The following PRELID2 variants were observed in gnomAD, a reference collection of about 807,000 sequenced individuals.
The protein encoded by PRELID2 is PRELI domain containing 2, also known as PRELI domain-containing protein 2.
In PRELID2, 25 loss-of-function variants were observed where a neutral mutation model predicts 28.4. That is an observed-to-expected ratio of 0.88 (90% CI 0.64 to 1.23). The LOEUF (loss-of-function observed/expected upper bound fraction) is 1.23. Ranked by LOEUF, PRELID2 falls within the 50% of genes most tolerant of loss-of-function variation. The probability of loss-of-function intolerance (pLI) is 0.00; values close to 1 mark genes in which losing one functional copy is unlikely to be tolerated. For missense variants in PRELID2, 201 were observed against 214.4 expected (o/e 0.94, Z 0.39); for synonymous variants, 76 against 71.6 (o/e 1.06, Z -0.31).
At chr5:145,439,971 A>G in the PRELID2 span, among the ~76,000 whole-genome samples, 1 of 151,974 alleles carries the variant, frequency 6.6e-6, no homozygotes, top group Non-Finnish European at 1.5e-5. Context: ...TTTGTGCCCA[A>G]TTTACCTTGA....
chr5:145,777,583 A>G (rs1482204361), intron 5 of PRELID2, among the ~76,000 whole-genome samples: 2 of 152,172 alleles, frequency 1.3e-5, no homozygotes, highest in Non-Finnish European at 2.9e-5. Flanking sequence ...TGCCACTGCC[A>G]TCACTGCTGG....
In PRELID2 at chr5:145,817,953, T is replaced by C. The variant is rs757503766; in HGVS notation, c.309A>G (p.Thr103=). ...ACTCTTCCTTCATGGATGCATACTG[T>C]GTCCACGTAAGGCAGTGACTCCGTA... The part of the protein sequence containing the change: ...MAIRSHCLTW[T]QYASMKEESV... The change falls in exon 4 of 7, where the codon ACA becomes ACG. Residue 103 remains threonine, a synonymous_variant. Transcript: ENST00000683046. The C allele has an allele frequency of 1.2e-6, 2 of 1,600,546 alleles. No homozygotes were observed. Among genetic ancestry groups the C allele is most frequent in the East Asian group, 2.2e-5 (1 of 44,664 alleles).
chr5:145,712,932 A>G (rs1053098940), intron 1 of PRELID2, among the ~76,000 whole-genome samples: 1 of 152,102 alleles, frequency 6.6e-6, no homozygotes, highest in Non-Finnish European at 1.5e-5. Flanking sequence ...GGTTATCAGA[A>G]GACTGATAAA....
At chr5:145,392,590 C>G in the PRELID2 span, among the ~76,000 whole-genome samples, 1 of 152,036 alleles carries the variant, frequency 6.6e-6, no homozygotes, top group Non-Finnish European at 1.5e-5. Context: ...ACACAATGCA[C>G]TCTGAAAACA....
chr5:145,588,668 C>A (rs1228156986), intron 1 of PRELID2, among the ~76,000 whole-genome samples: 1 of 152,050 alleles, frequency 6.6e-6, no homozygotes, highest in Non-Finnish European at 1.5e-5. Context: ...CTACCTCATG[C>A]TCTCCTGAAG....
At chr5:145,550,958 G>A (rs759096780) in intron 1 of PRELID2, among the ~76,000 whole-genome samples, 4 of 152,096 alleles carry the variant, frequency 2.6e-5, no homozygotes, top group East Asian at 1.9e-4. Flanking sequence ...TACCATTGTC[G>A]TGACTACATA....
At chr5:145,303,938 C>T in the PRELID2 span, among the ~76,000 whole-genome samples, 4 of 152,072 alleles carry the variant, frequency 2.6e-5, no homozygotes, top group East Asian at 7.7e-4. Flanking sequence ...TTATGCTCAG[C>T]GACTATTATC....
the PRELID2 span, among the ~76,000 whole-genome samples, chr5:145,344,370 T>C: frequency 6.6e-6 from 1 of 152,050 alleles, no homozygotes; most frequent in South Asian, 2.1e-4. Context: ...ATAAATGAGA[T>C]ACATCTCATC....
chr5:145,579,905 A>T (rs2149623923), intron 1 of PRELID2, among the ~76,000 whole-genome samples: 1 of 152,140 alleles, frequency 6.6e-6, no homozygotes, highest in South Asian at 2.1e-4. Flanking sequence ...TTCATCTTTA[A>T]TCCTATATTT....
At chr5:145,417,890 T>A in the PRELID2 span, among the ~76,000 whole-genome samples, 5 of 152,138 alleles carry the variant, frequency 3.3e-5, no homozygotes, top group Non-Finnish European at 5.9e-5. Context: ...TTGGAAGTTC[T>A]GGACAGGGAA....
chr5:145,253,847 C>CA, the PRELID2 span, among the ~76,000 whole-genome samples: 721 of 147,448 alleles, frequency 4.9e-3, 6 homozygotes, highest in East Asian at 0.033. Flanking sequence ...ACAAAAAAAA[C>CA]AAAAAAAAAA....
chr5:145,729,001 C>A, intron 1 of PRELID2: 1 of 713,738 alleles, frequency 1.4e-6, no homozygotes. Flanking sequence ...GGGTCCCACT[C>A]CCTCCTGGCC....
chr5:145,314,988 C>T, the PRELID2 span, among the ~76,000 whole-genome samples: 1 of 148,488 alleles, frequency 6.7e-6, no homozygotes, highest in Non-Finnish European at 1.5e-5. Flanking sequence ...GTTTTTTGAT[C>T]TTAAAAGGTA....
intron 1 of PRELID2, among the ~76,000 whole-genome samples, chr5:145,539,502 G>A (rs972462890): frequency 6.6e-6 from 1 of 151,864 alleles, no homozygotes; most frequent in African/African-American, 2.4e-5. Context: ...AGAATAATTT[G>A]TCTCCTCCTA....
chr5:145,384,504 G>A, the PRELID2 span, among the ~76,000 whole-genome samples: 2 of 152,074 alleles, frequency 1.3e-5, no homozygotes, highest in Non-Finnish European at 2.9e-5. Flanking sequence ...AAACAGAAAT[G>A]AAAGGTTTCA....
At chr5:145,633,862 C>T (rs1179945354) in intron 1 of PRELID2, among the ~76,000 whole-genome samples, 3 of 152,184 alleles carry the variant, frequency 2.0e-5, no homozygotes, top group South Asian at 2.1e-4. Flanking sequence ...TTGCGAAATA[C>T]TTCCTGATGT....
Position 145,835,180 on chromosome 5 carries a change from T to C in PRELID2, c.72A>G (p.Arg24=). 2 of 1,547,464 alleles carry C rather than the reference T, an allele frequency of 1.3e-6. No homozygotes were observed. Among genetic ancestry groups the C allele is most frequent in the Non-Finnish European group, 1.7e-6 (2 of 1,144,340 alleles). ...GAAGGTGGAAGCGGGGCGGTACCTT[T>C]CGGAGAAAGCTGGCGACCACCTGCT... ...PFEQVVASFL[R]KYPNPMDKNV... Residue 24 remains arginine (R), a synonymous_variant, in exon 1 of 7, where the codon CGA becomes CGG. Coordinates refer to ENST00000683046, the MANE Select transcript of PRELID2 (RefSeq NM_205846.3).
the PRELID2 span, among the ~76,000 whole-genome samples, chr5:145,324,882 A>C: frequency 6.6e-6 from 1 of 152,182 alleles, no homozygotes; most frequent in African/African-American, 2.4e-5. Flanking sequence ...ACTTCATAAT[A>C]TAAAGGAATA....
At chr5:145,496,735 C>T (rs1455903122) in intron 1 of PRELID2, among the ~76,000 whole-genome samples, 1 of 152,120 alleles carries the variant, frequency 6.6e-6, no homozygotes. Context: ...TTCACAAGTG[C>T]CAAACCTACC....
Sources: gnomAD v4.1 joint callset for allele counts (sites outside exome capture counted in the v4.1 genomes callset) on GRCh38, gnomAD v4.1.1 for gene constraint, MANE v1.5 for transcripts, NCBI Gene and HGNC (gene_info 2026-07-23, HGNC 2026-07-21) for gene names.